The following MYH9 variants were observed in gnomAD, a reference collection of about 807,000 sequenced individuals.
MYH9 encodes the protein myosin heavy chain 9, also known as myosin-9.
In MYH9, 29 loss-of-function variants were observed where a neutral mutation model predicts 241.9. That is an observed-to-expected ratio of 0.12 (90% CI 0.09 to 0.16). The LOEUF is 0.16. Ranked by LOEUF, MYH9 falls within the 10% of genes least tolerant of loss-of-function variation. MYH9 has a pLI of 1.00. For synonymous variants in MYH9, 1,047 were observed against 1,062.6 expected (o/e 0.99, Z 0.29); for missense variants, 1,803 against 2,595.5 (o/e 0.69, Z 6.63).
At position 36,285,881 on chromosome 22, in the gene MYH9, T is replaced by C. The variant is rs751632674; in HGVS notation, c.5134A>G (p.Asn1712Asp). 1 of 1,613,612 alleles carries C rather than the reference T, an allele frequency of 6.2e-7. No individual in the cohort carries two copies. Residue 1712 changes from asparagine (N) to aspartate (D), a missense_variant, in exon 36 of 41, where the codon AAC (asparagine) becomes GAC (aspartate). This residue lies in a region of MYH9 where 876 missense variants were observed against 1,077.8 expected (regional missense o/e 0.81). Coordinates refer to ENST00000216181, the MANE Select transcript of MYH9 (RefSeq NM_002473.6). This position sits in a 1 kb window ranked among gnomAD's most constrained non-coding sequence, Gnocchi z 7.0. ...ERDELADEIA[N>D]SSGKGALALE... ...TCAGCTCACCCTTTGCCGCTGCTGT[T>C]GGCGATCTCGTCAGCCAGCTCATCC...
intron 1 of MYH9, among the ~76,000 whole-genome samples, chr22:36,365,346 G>C (rs2017995110): frequency 6.6e-6 from 1 of 152,218 alleles, no homozygotes. Flanking sequence ...TACAGCCCTG[G>C]CTGAACATGC....
chr22:36,345,026 A>G (rs2017654481), intron 2 of MYH9, among the ~76,000 whole-genome samples: 1 of 152,198 alleles, frequency 6.6e-6, no homozygotes, highest in Non-Finnish European at 1.5e-5. Context: ...GAAAGTTCCC[A>G]TGGATGCCGG....
Position 36,284,437 on chromosome 22 carries a change from T to C in MYH9, c.5558A>G (p.Asp1853Gly). 6.2e-7 allele frequency: 1 copy of C among 1,613,420 alleles called. No individual in the cohort carries two copies. Among genetic ancestry groups the C allele is most frequent in the South Asian group, 1.1e-5 (1 of 91,082 alleles). ...KLKDVLLQVD[D>G]ERRNAEQYKD... Reference sequence around the variant, plus strand: ...GTACTGCTCGGCGTTCCTCCGCTCGTCATCCACCTGCAGCAGCACATCCTT... The same window carrying C: ...GTACTGCTCGGCGTTCCTCCGCTCGCCATCCACCTGCAGCAGCACATCCTT... Residue 1853 changes from aspartate (D) to glycine (G), a missense_variant, in exon 39 of 41, where the codon GAC (aspartate) becomes GGC (glycine). Transcript: ENST00000216181.
chr22:36,338,853 C>G (rs904249356), intron 3 of MYH9, among the ~76,000 whole-genome samples: 1 of 152,012 alleles, frequency 6.6e-6, no homozygotes, highest in African/African-American at 2.4e-5. Context: ...AATCGCCCAC[C>G]TACCTGCCCT....
At chr22:36,301,768 G>A in intron 20 of MYH9, 103 bp from the exon 21 acceptor site, 2 of 1,505,794 alleles carry the variant, frequency 1.3e-6, no homozygotes, top group Non-Finnish European at 1.8e-6. Flanking sequence ...TGAAAGTGAG[G>A]GGCAAGAAGA....
chr22:36,307,803 AC>A (rs1436089622), intron 15 of MYH9, among the ~76,000 whole-genome samples: 1 of 151,696 alleles, frequency 6.6e-6, no homozygotes, highest in East Asian at 1.9e-4. Flanking sequence ...CAGGAGAATC[AC>A]TTGAACCCAG....
chr22:36,325,148 T>C, intron 5 of MYH9: 3 of 754,182 alleles, frequency 4.0e-6, no homozygotes, highest in Non-Finnish European at 7.4e-6. Context: ...AAATCGGGGG[T>C]AGGGAGGGAG....
chr22:36,286,973 C>A (rs2016596941), intron 34 of MYH9, 127 bp from the exon 35 acceptor site: 2 of 1,418,398 alleles, frequency 1.4e-6, no homozygotes, highest in Admixed American at 1.8e-5. Context: ...AACCAACTAA[C>A]CGTGGTGACA....
At chr22:36,387,256 A>G (rs2018368370) in intron 1 of MYH9, among the ~76,000 whole-genome samples, 1 of 152,168 alleles carries the variant, frequency 6.6e-6, no homozygotes, top group African/African-American at 2.4e-5. Flanking sequence ...CAAGGTCTGC[A>G]GCGGGACGGT....
chr22:36,326,465 G>A (rs1313291643), intron 5 of MYH9, 103 bp downstream of exon 5: 24 of 1,093,934 alleles, frequency 2.2e-5, no homozygotes, highest in Non-Finnish European at 2.8e-5. Context: ...ATTCCCCAAA[G>A]CATCCTCTTG....
intron 3 of MYH9, among the ~76,000 whole-genome samples, chr22:36,333,764 C>T (rs1336324870): frequency 6.6e-6 from 1 of 152,072 alleles, no homozygotes; most frequent in East Asian, 1.9e-4. Context: ...GTTGTTCAGC[C>T]CTGACAAACT....
chr22:36,296,756 T>C, intron 25 of MYH9, 87 bp downstream of exon 25: 1 of 1,405,490 alleles, frequency 7.1e-7, no homozygotes, highest in Admixed American at 2.6e-5. Context: ...TGCTCACAGC[T>C]CACTAGTGCC....
At position 36,306,510 on chromosome 22, in the gene MYH9, C is replaced by T. The variant is rs148725860; in HGVS notation, c.1941G>A (p.Gly647=). Reference sequence around the variant, plus strand: ...TGGCCAGCTGCTCCTTGTAAAGCTGCCCCACAGTGCGGAACATGCCCTTCC... The same window carrying T: ...TGGCCAGCTGCTCCTTGTAAAGCTGTCCCACAGTGCGGAACATGCCCTTCC... The part of the protein sequence containing the change: ...KTRKGMFRTV[G]QLYKEQLAKL... The change falls in exon 16 of 41, where the codon GGG becomes GGA. Residue 647 remains glycine (G), a synonymous_variant. Coordinates refer to ENST00000216181, the MANE Select transcript of MYH9 (RefSeq NM_002473.6). This position sits in a 1 kb window ranked among gnomAD's most constrained non-coding sequence, Gnocchi z 4.1. The T allele has an allele frequency of 1.9e-5, 31 of 1,614,178 alleles. No homozygotes were observed. The African/African-American group carries it at 3.3e-4, about 17-fold the overall frequency.
intron 7 of MYH9, 120 bp from the exon 8 acceptor site, chr22:36,321,016 G>C: frequency 1.3e-6 from 1 of 743,892 alleles, no homozygotes; most frequent in Non-Finnish European, 2.3e-6. Flanking sequence ...GCAGTGGCAT[G>C]ATCTCGGCTC....
At chr22:36,328,248 T>C (rs747182853) in intron 3 of MYH9, among the ~76,000 whole-genome samples, 1 of 152,198 alleles carries the variant, frequency 6.6e-6, no homozygotes, top group Non-Finnish European at 1.5e-5. Context: ...AACAGCTCTA[T>C]GAACTGCTCG....
At chr22:36,296,540 C>CTT (rs67917055) in intron 25 of MYH9, among the ~76,000 whole-genome samples, 11 of 100,878 alleles carry the variant, frequency 1.1e-4, no homozygotes, top group East Asian at 5.9e-4. Context: ...CTGGTCAAGT[C>CTT]TTTTTTTTTT....
Position 36,380,744 on chromosome 22 carries a change from A to AAAAAG in MYH9, c.-20+7058_-20+7062dup, listed in dbSNP as rs150377619. 1.1e-3 allele frequency among the ~76,000 whole-genome samples: 164 copies of AAAAAG among 151,506 alleles called. 1 individual carries two copies. The highest frequency in any genetic ancestry group is 0.01 in the Middle Eastern group (3 of 294). ...CAACAGAGTGAGACTCTGTCTCCAA[A>AAAAAG]AAAAGAAAAGAAAAGAAAAGAAAAG... On this transcript the variant is annotated intron_variant, in intron 1 of 40. Transcript: ENST00000216181.
At chr22:36,299,323 G>C (rs1372813681) in intron 23 of MYH9, among the ~76,000 whole-genome samples, 2 of 152,208 alleles carry the variant, frequency 1.3e-5, no homozygotes, top group African/African-American at 4.8e-5. Flanking sequence ...GTGACAGCTA[G>C]TGTCAGCAGG....
At chr22:36,352,016 A>G (rs940058187) in intron 1 of MYH9, among the ~76,000 whole-genome samples, 2 of 152,190 alleles carry the variant, frequency 1.3e-5, no homozygotes, top group African/African-American at 2.4e-5. Context: ...ACTAGGAAAC[A>G]GACTCAGAAA....
Sources: gnomAD v4.1 joint callset for allele counts (sites outside exome capture counted in the v4.1 genomes callset) on GRCh38, gnomAD v4.1.1 for gene constraint, gnomAD v4.1.1 regional missense constraint, Gnocchi (gnomAD v3.1) non-coding constraint, MANE v1.5 for transcripts, NCBI Gene and HGNC (gene_info 2026-07-23, HGNC 2026-07-21) for gene names.